EYS: variants seen among roughly 807,000 people sequenced by gnomAD.
The protein encoded by EYS is EGF-like photoreceptor maintenance factor, also known as protein eyes shut homolog.
A neutral mutation model predicts 282.1 loss-of-function variants in EYS; 250 were observed. The ratio of observed to expected loss-of-function variants is 0.89; its 90% CI spans 0.80 to 0.98. The LOEUF is 0.98. Ranked by LOEUF, EYS falls within the 50% of genes least tolerant of loss-of-function variation. The pLI is 0.00. For missense variants in EYS, 4,016 were observed against 3,709.0 expected (o/e 1.08, Z -2.15); for synonymous variants, 1,355 against 1,282.9 (o/e 1.06, Z -1.20).
chr6:65,021,996 G>A (rs1160268461), intron 13 of EYS, among the ~76,000 whole-genome samples: 1 of 152,208 alleles, frequency 6.6e-6, no homozygotes, highest in East Asian at 1.9e-4. Flanking sequence ...CTCCCACTGG[G>A]TCCCTCCCAC....
chr6:65,320,543 T>C (rs1160590077), intron 11 of EYS, among the ~76,000 whole-genome samples: 1 of 152,144 alleles, frequency 6.6e-6, no homozygotes, highest in Non-Finnish European at 1.5e-5. Context: ...CTTGGTACAG[T>C]GGAGGAACTG....
intron 18 of EYS, among the ~76,000 whole-genome samples, chr6:64,901,168 C>T (rs994485065): frequency 4.0e-5 from 6 of 151,610 alleles, no homozygotes; most frequent in African/African-American, 1.5e-4. Flanking sequence ...CATGTTCTCT[C>T]TTATAAGTGG....
At chr6:65,402,967 G>T (rs75930658) in intron 6 of EYS, among the ~76,000 whole-genome samples, 1 of 152,038 alleles carries the variant, frequency 6.6e-6, no homozygotes, top group African/African-American at 2.4e-5. Flanking sequence ...CTCAGGAAGC[G>T]CAGGCCACAT....
intron 36 of EYS, among the ~76,000 whole-genome samples, chr6:63,812,140 T>C (rs959511817): frequency 1.3e-5 from 2 of 152,252 alleles, no homozygotes; most frequent in African/African-American, 4.8e-5. Flanking sequence ...TCAAAACTCC[T>C]GAACATAGCC....
intron 33 of EYS, among the ~76,000 whole-genome samples, chr6:64,048,337 G>C (rs549960520): frequency 3.3e-5 from 5 of 152,200 alleles, no homozygotes; most frequent in African/African-American, 1.2e-4. Context: ...TTTGATCCTT[G>C]AGCTACTCCA....
chr6:65,178,857 C>T (rs1278535936), intron 12 of EYS, among the ~76,000 whole-genome samples: 1 of 152,074 alleles, frequency 6.6e-6, no homozygotes, highest in Non-Finnish European at 1.5e-5. Flanking sequence ...TTATAACAAA[C>T]TGTCTCTCAG....
At chr6:64,790,176 T>C (rs1265884183) in intron 22 of EYS, among the ~76,000 whole-genome samples, 1 of 152,016 alleles carries the variant, frequency 6.6e-6, no homozygotes, top group Non-Finnish European at 1.5e-5. Context: ...ATAGGCTGTA[T>C]GTTTATAGTC....
chr6:64,871,424 G>C (rs1158251730), intron 19 of EYS, among the ~76,000 whole-genome samples: 1 of 151,792 alleles, frequency 6.6e-6, no homozygotes, highest in Non-Finnish European at 1.5e-5. Context: ...TGTGGTATTG[G>C]AGTTAAATGT....
intron 10 of EYS, among the ~76,000 whole-genome samples, chr6:65,338,518 G>C (rs1345448101): frequency 6.6e-6 from 1 of 150,678 alleles, no homozygotes; most frequent in East Asian, 1.9e-4. Context: ...ACTGAATAGG[G>C]GTCGGCAACC....
intron 35 of EYS, among the ~76,000 whole-genome samples, chr6:63,926,223 C>G (rs556172704): frequency 1.3e-5 from 2 of 152,284 alleles, no homozygotes; most frequent in South Asian, 2.1e-4. Flanking sequence ...TCTAGTCAAG[C>G]ATATTCTTAA....
At chr6:64,570,919 A>G (rs1582906564) in intron 26 of EYS, among the ~76,000 whole-genome samples, 1 of 152,174 alleles carries the variant, frequency 6.6e-6, no homozygotes, top group East Asian at 1.9e-4. Flanking sequence ...TCAGCTCTGG[A>G]CCAAGCAGAC....
At chr6:63,762,369 A>T in intron 41 of EYS, 92 bp downstream of exon 41, 1 of 1,172,626 alleles carries the variant, frequency 8.5e-7, no homozygotes, top group Non-Finnish European at 1.2e-6. Context: ...TATTATATGT[A>T]CTTTTTTACT....
chr6:63,740,531 A>G (rs1482272763), intron 41 of EYS, among the ~76,000 whole-genome samples: 1 of 152,196 alleles, frequency 6.6e-6, no homozygotes, highest in African/African-American at 2.4e-5. Context: ...TTGCTTGAAG[A>G]GCTGAATATA....
At chr6:64,993,586 GGA>G (rs1483656246) in intron 14 of EYS, among the ~76,000 whole-genome samples, 19 of 104,906 alleles carry the variant, frequency 1.8e-4, no homozygotes, top group African/African-American at 6.7e-4. Context: ...TGGGGTGGGG[GGA>G]GGGGGGAGGG....
chr6:63,896,251 T>C (rs1259305952), intron 35 of EYS, among the ~76,000 whole-genome samples: 1 of 152,230 alleles, frequency 6.6e-6, no homozygotes, highest in Admixed American at 6.5e-5. Context: ...CACTGTATCG[T>C]GTAAGCAGTT....
intron 24 of EYS, among the ~76,000 whole-genome samples, chr6:64,606,676 A>T (rs1766947621): frequency 1.3e-5 from 2 of 152,068 alleles, no homozygotes; most frequent in African/African-American, 4.8e-5. Context: ...GTGGCAATAC[A>T]TATTTTCTTT....
At chr6:64,505,332 T>G (rs1777174649) in intron 26 of EYS, among the ~76,000 whole-genome samples, 1 of 152,208 alleles carries the variant, frequency 6.6e-6, no homozygotes. Context: ...TGTTAACTCT[T>G]TTGTAGCTTT....
chr6:64,855,627 C>A (rs1379662332), intron 19 of EYS, among the ~76,000 whole-genome samples: 1 of 152,030 alleles, frequency 6.6e-6, no homozygotes, highest in Non-Finnish European at 1.5e-5. Flanking sequence ...AATATTGATA[C>A]ATTATTAAGA....
At chr6:64,914,498 A>T (rs1768102589) in intron 15 of EYS, among the ~76,000 whole-genome samples, 1 of 152,116 alleles carries the variant, frequency 6.6e-6, no homozygotes, top group Non-Finnish European at 1.5e-5. Flanking sequence ...GAGGGGAGCA[A>T]AGAGGAAGGA....
Sources: gnomAD v4.1 joint callset for allele counts (sites outside exome capture counted in the v4.1 genomes callset) on GRCh38, gnomAD v4.1.1 for gene constraint, MANE v1.5 for transcripts, NCBI Gene and HGNC (gene_info 2026-07-23, HGNC 2026-07-21) for gene names.